Variants in UNC5D observed in about 807,000 individuals in gnomAD.
The protein encoded by UNC5D is unc-5 netrin receptor D, also known as netrin receptor UNC5D.
Under a neutral mutation model 105.4 loss-of-function variants are expected in UNC5D, and 39 were observed. That is an observed-to-expected ratio of 0.37 (90% CI 0.29 to 0.48). UNC5D has a LOEUF of 0.48. Among genes scored for constraint, UNC5D ranks in the 20% least tolerant of loss-of-function variants. The pLI, the probability that UNC5D is intolerant of heterozygous loss-of-function variation, is 0.98. For synonymous variants in UNC5D, 452 were observed against 450.4 expected (o/e 1.00, Z -0.04); for missense variants, 991 against 1,202.4 (o/e 0.82, Z 2.60).
intron 1 of UNC5D, among the ~76,000 whole-genome samples, chr8:35,390,238 TA>T (rs773494448): frequency 6.6e-6 from 1 of 152,180 alleles, no homozygotes; most frequent in Non-Finnish European, 1.5e-5. Context: ...ACCAGCCCCA[TA>T]ATCCAATCAC....
At position 35,724,397 on chromosome 8, in the gene UNC5D, T is replaced by TC. The variant is rs368490538; in HGVS notation, c.1304-1753dup. 5.5e-6 allele frequency: 7 copies of TC among 1,265,918 alleles called. No homozygotes were observed. The African/African-American group carries it at 1.1e-4, about 19-fold the overall frequency. 78.4% of individuals were successfully genotyped at this position (1,265,918 alleles called of 1,614,324 possible). A position where few individuals can be genotyped will look rare whatever the true frequency, so the allele number is the denominator to read the frequency against. Reference sequence around the variant, plus strand: ...GAGAGATCCGTTTTTGAGCAATACATCCAGTGCCCCGGCAAGGTGAACACT... The same window carrying TC: ...GAGAGATCCGTTTTTGAGCAATACATCCCAGTGCCCCGGCAAGGTGAACACT... On this transcript the variant is annotated intron_variant, in intron 9 of 16. Coordinates refer to ENST00000404895, the MANE Select transcript of UNC5D (RefSeq NM_080872.4).
chr8:35,336,458 C>G (rs1811050156), intron 1 of UNC5D, among the ~76,000 whole-genome samples: 1 of 152,162 alleles, frequency 6.6e-6, no homozygotes, highest in South Asian at 2.1e-4. Flanking sequence ...TTTATCATTG[C>G]TCAAGGAGAG....
At chr8:35,490,678 G>A (rs538471112) in intron 1 of UNC5D, among the ~76,000 whole-genome samples, 3 of 152,038 alleles carry the variant, frequency 2.0e-5, no homozygotes, top group African/African-American at 7.2e-5. Flanking sequence ...GGTCTGTCAG[G>A]TACAGTAGAC....
At chr8:35,311,133 G>C (rs138569875) in intron 1 of UNC5D, among the ~76,000 whole-genome samples, 5 of 152,264 alleles carry the variant, frequency 3.3e-5, no homozygotes, top group Non-Finnish European at 5.9e-5. Context: ...TAAAAGGAGA[G>C]GAGAGAAAGG....
chr8:35,484,419 C>G (rs955973223), intron 1 of UNC5D, among the ~76,000 whole-genome samples: 6 of 152,286 alleles, frequency 3.9e-5, no homozygotes, highest in East Asian at 1.9e-4. Flanking sequence ...TTATTATCCT[C>G]TAATATATCC....
At chr8:35,676,219 G>GA (rs1038619620) in intron 4 of UNC5D, among the ~76,000 whole-genome samples, 5 of 151,892 alleles carry the variant, frequency 3.3e-5, no homozygotes, top group Admixed American at 6.6e-5. Flanking sequence ...TTATAAACTG[G>GA]AAAAAAAATC....
At chr8:35,744,758 A>T (rs1044983896) in intron 11 of UNC5D, among the ~76,000 whole-genome samples, 1 of 152,166 alleles carries the variant, frequency 6.6e-6, no homozygotes, top group African/African-American at 2.4e-5. Context: ...GGAAAAAAAA[A>T]TAATCCCTGA....
chr8:35,602,526 G>C (rs1441285618), intron 4 of UNC5D, among the ~76,000 whole-genome samples: 1 of 152,152 alleles, frequency 6.6e-6, no homozygotes, highest in African/African-American at 2.4e-5. Context: ...GTTTAGCCTT[G>C]GGAGAGCGTA....
At chr8:35,540,661 A>G (rs763592748) in intron 1 of UNC5D, among the ~76,000 whole-genome samples, 5 of 152,194 alleles carry the variant, frequency 3.3e-5, no homozygotes, top group Admixed American at 1.3e-4. Flanking sequence ...AGGTTAAATC[A>G]CTGTATGTTT....
chr8:35,362,855 A>G (rs929516306), intron 1 of UNC5D, among the ~76,000 whole-genome samples: 5 of 152,174 alleles, frequency 3.3e-5, no homozygotes, highest in African/African-American at 1.2e-4. Context: ...AAAGATACTT[A>G]TAAGGATAGT....
At chr8:35,243,137 C>G (rs528715372) in intron 1 of UNC5D, among the ~76,000 whole-genome samples, 1 of 152,086 alleles carries the variant, frequency 6.6e-6, no homozygotes, top group Non-Finnish European at 1.5e-5. Flanking sequence ...CAGATGACAC[C>G]ATCTGGGGGC....
chr8:35,280,310 A>G (rs926536863), intron 1 of UNC5D, among the ~76,000 whole-genome samples: 6 of 152,158 alleles, frequency 3.9e-5, no homozygotes, highest in Non-Finnish European at 7.3e-5. Context: ...GTGGATCTGT[A>G]ATGTCTCCAC....
intron 1 of UNC5D, among the ~76,000 whole-genome samples, chr8:35,352,567 T>A (rs1238100933): frequency 6.6e-6 from 1 of 152,160 alleles, no homozygotes. Flanking sequence ...TTAGAAGACA[T>A]CTTTGTTCTG....
chr8:35,320,333 G>A (rs1528724), intron 1 of UNC5D, among the ~76,000 whole-genome samples: 2 of 152,052 alleles, frequency 1.3e-5, no homozygotes, highest in African/African-American at 4.8e-5. Flanking sequence ...GTTAAGATAT[G>A]GAGTTGTGGA....
chr8:35,782,188 T>A, intron 16 of UNC5D, among the ~76,000 whole-genome samples: 1 of 152,200 alleles, frequency 6.6e-6, no homozygotes, highest in East Asian at 1.9e-4. Context: ...AAATTCAAGT[T>A]TGGGGATGAA....
intron 1 of UNC5D, among the ~76,000 whole-genome samples, chr8:35,318,136 T>TAC (rs891261340): frequency 6.6e-6 from 1 of 152,166 alleles, no homozygotes. Flanking sequence ...TCTTGGAAGA[T>TAC]ACTGTATCAC....
intron 1 of UNC5D, among the ~76,000 whole-genome samples, chr8:35,279,791 C>A (rs893273023): frequency 6.6e-6 from 1 of 152,136 alleles, no homozygotes; most frequent in South Asian, 2.1e-4. Context: ...TTGGCTCTTC[C>A]GTTGGCAAAA....
intron 1 of UNC5D, among the ~76,000 whole-genome samples, chr8:35,250,390 CAG>C (rs1476257287): frequency 2.6e-5 from 4 of 152,070 alleles, no homozygotes; most frequent in African/African-American, 9.7e-5. Context: ...ATTTTAGATT[CAG>C]GGGGTGCATG....
chr8:35,345,719 A>G (rs1017959424), intron 1 of UNC5D, among the ~76,000 whole-genome samples: 1 of 152,042 alleles, frequency 6.6e-6, no homozygotes, highest in Non-Finnish European at 1.5e-5. Flanking sequence ...GATATGAAAC[A>G]CATATTAGAC....
Sources: allele counts gnomAD v4.1 joint callset (sites outside exome capture counted in the v4.1 genomes callset), GRCh38; gene constraint gnomAD v4.1.1; transcripts MANE v1.5; gene names NCBI Gene and HGNC (gene_info 2026-07-23, HGNC 2026-07-21).